The following EXOC6 variants were observed in gnomAD, a reference collection of about 807,000 sequenced individuals.
EXOC6 encodes SEC15-like 1.
A neutral mutation model predicts 112.5 loss-of-function variants in EXOC6; 60 were observed. That is an observed-to-expected ratio of 0.53 (90% confidence interval 0.43 to 0.66). The LOEUF is 0.66. EXOC6 is among the 30% of genes least tolerant of loss of function. The pLI is 0.00. For missense variants in EXOC6, 855 were observed against 957.1 expected, an observed-to-expected ratio of 0.89 and a Z score of 1.41; for synonymous variants, 295 against 308.0, an observed-to-expected ratio of 0.96 and a Z score of 0.44.
chr10:92,833,760 A>G (rs1209769689), upstream of EXOC6, among the ~76,000 whole-genome samples: 3 of 152,224 alleles, frequency 2.0e-5, no homozygotes, highest in African/African-American at 7.2e-5. Context: ...TATTTCTTGT[A>G]TTAAGCAAGA....
intron 9 of EXOC6, among the ~76,000 whole-genome samples, chr10:92,931,702 T>G (rs2133946536): frequency 6.6e-6 from 1 of 151,984 alleles, no homozygotes; most frequent in East Asian, 2.0e-4. Flanking sequence ...AGTATAATTT[T>G]TTCGTCAGGG....
upstream of EXOC6, among the ~76,000 whole-genome samples, chr10:92,847,980 G>A (rs1847118903): frequency 6.6e-6 from 1 of 152,082 alleles, no homozygotes; most frequent in Admixed American, 6.5e-5. Context: ...TCCACCTGGA[G>A]CGGTCTTCAT....
At chr10:92,975,866 TG>T (rs1842560189) in intron 18 of EXOC6, among the ~76,000 whole-genome samples, 1 of 130,902 alleles carries the variant, frequency 7.6e-6, no homozygotes. Flanking sequence ...CCGCCCCTAC[TG>T]GGAAGTGAGG....
intron 1 of EXOC6, among the ~76,000 whole-genome samples, chr10:92,842,185 C>G (rs1233810376): frequency 1.3e-5 from 2 of 151,966 alleles, no homozygotes; most frequent in African/African-American, 2.4e-5. Flanking sequence ...ATGGTGAAAC[C>G]CTGTCTCTAC....
chr10:92,899,530 G>T (rs1235595464), intron 4 of EXOC6, 69 bp from the exon 5 acceptor site: 2 of 1,096,854 alleles, frequency 1.8e-6, no homozygotes, highest in South Asian at 2.9e-5. Flanking sequence ...TTCCTGCTTT[G>T]ATTATTTTCA....
chr10:93,041,553 G>A (rs1376884639), intron 20 of EXOC6, among the ~76,000 whole-genome samples: 5 of 151,596 alleles, frequency 3.3e-5, no homozygotes, highest in Admixed American at 3.3e-4. Flanking sequence ...TGGGGTTACA[G>A]GTGCCTACCA....
chr10:92,873,351 G>A (rs909575622), intron 1 of EXOC6, among the ~76,000 whole-genome samples: 2 of 152,130 alleles, frequency 1.3e-5, no homozygotes, highest in Admixed American at 6.5e-5. Context: ...GTCAACACTA[G>A]TTATAGGAGG....
chr10:92,910,873 G>A (rs535744997), intron 6 of EXOC6, among the ~76,000 whole-genome samples: 4 of 152,160 alleles, frequency 2.6e-5, no homozygotes, highest in African/African-American at 9.7e-5. Context: ...AGCTTGTAGC[G>A]AGCCAAGATC....
intron 1 of EXOC6, among the ~76,000 whole-genome samples, chr10:92,887,390 A>ATTTTTTTTT (rs11304638): frequency 1.2e-5 from 1 of 83,772 alleles, no homozygotes; most frequent in Non-Finnish European, 2.2e-5. Context: ...GATTAATTTA[A>ATTTTTTTTT]TTTTTTTTTT....
upstream of EXOC6, among the ~76,000 whole-genome samples, chr10:92,846,275 G>C (rs1847050679): frequency 6.6e-6 from 1 of 152,258 alleles, no homozygotes; most frequent in African/African-American, 2.4e-5. Flanking sequence ...GTGAAGAAAA[G>C]GGGTAGAGTT....
intron 17 of EXOC6, among the ~76,000 whole-genome samples, chr10:92,961,317 G>A (rs1195813147): frequency 6.6e-6 from 1 of 152,048 alleles, no homozygotes; most frequent in East Asian, 1.9e-4. Flanking sequence ...TTTTAAAAAG[G>A]CAATGTATAT....
chr10:92,966,305 T>TATC (rs1842049966), intron 17 of EXOC6, among the ~76,000 whole-genome samples: 1 of 148,768 alleles, frequency 6.7e-6, no homozygotes, highest in Non-Finnish European at 1.5e-5. Context: ...TTATTATTAT[T>TATC]ATTATACTTT....
chr10:92,909,524 C>T lies in EXOC6; in HGVS notation c.556C>T (p.Pro186Ser), dbSNP rs200140456. The change falls in exon 6 of 22, where the codon CCC becomes TCC. Residue 186 changes from proline to serine, a missense_variant. Coordinates refer to ENST00000260762, the MANE Select transcript of EXOC6 (RefSeq NM_019053.6). ...TTGTCAGCTCATGATAGAAAATCTT[C>T]CCAAACTCCGTGAGGATATTAAAGA... Reference protein sequence around the residue: ...RFCQLMIENLPKLREDIKEIS... With the variant: ...RFCQLMIENLSKLREDIKEIS... 4 of 1,613,284 alleles carry T rather than the reference C, an allele frequency of 2.5e-6. No homozygotes were observed. The highest frequency in any genetic ancestry group is 3.4e-6 in the Non-Finnish European group (4 of 1,179,440).
intron 6 of EXOC6, among the ~76,000 whole-genome samples, chr10:92,909,879 A>T (rs1229261091): frequency 6.6e-6 from 1 of 152,158 alleles, no homozygotes; most frequent in Non-Finnish European, 1.5e-5. Context: ...ATTCTTCTCC[A>T]TATATGTGGT....
At chr10:92,962,202 A>AAT (rs1417225345) in intron 17 of EXOC6, among the ~76,000 whole-genome samples, 1 of 152,128 alleles carries the variant, frequency 6.6e-6, no homozygotes, top group Non-Finnish European at 1.5e-5. Context: ...CAAGAAATGA[A>AAT]ATATTCTGTC....
intron 20 of EXOC6, among the ~76,000 whole-genome samples, chr10:93,032,804 C>T (rs1260037132): frequency 6.6e-6 from 1 of 152,070 alleles, no homozygotes; most frequent in Middle Eastern, 3.2e-3. Flanking sequence ...AAAAATAAAA[C>T]AGGTTAATGT....
At chr10:93,057,202 A>G (rs370940660) in intron 21 of EXOC6, among the ~76,000 whole-genome samples, 166 bp downstream of exon 21, 2 of 152,268 alleles carry the variant, frequency 1.3e-5, no homozygotes, top group South Asian at 2.1e-4. Flanking sequence ...TGCCCTTCAG[A>G]GTTGGTGTAG....
chr10:93,010,033 A>G (rs1395018319), intron 19 of EXOC6, among the ~76,000 whole-genome samples: 1 of 152,240 alleles, frequency 6.6e-6, no homozygotes, highest in Non-Finnish European at 1.5e-5. Flanking sequence ...GTACTAAGGT[A>G]GAAACAAATT....
At position 92,955,473 on chromosome 10, in the gene EXOC6, A is replaced by G. The variant is rs142538892; in HGVS notation, c.1639-107A>G. On this transcript the variant is annotated intron_variant, in intron 16 of 21. Coordinates refer to ENST00000260762, the MANE Select transcript of EXOC6 (RefSeq NM_019053.6). ...AGTTGTATCCTATAATGCTGCAATT[A>G]TGTAGAAATGGTACAGTTGCTGGAA... The G allele has an allele frequency of 3.2e-4, 281 of 885,970 alleles. 1 individual carries two copies. The East Asian group carries it at 6.2e-3, about 20-fold the overall frequency. The allele number at this position is 885,970 out of a possible 1,614,324, so 54.9% of individuals were successfully genotyped here.
Sources: allele counts gnomAD v4.1 joint callset (sites outside exome capture counted in the v4.1 genomes callset), GRCh38; gene constraint gnomAD v4.1.1; transcripts MANE v1.5; gene names NCBI Gene and HGNC (gene_info 2026-07-23, HGNC 2026-07-21).